Variants in ADCYAP1R1 observed in about 807,000 individuals in gnomAD.
ADCYAP1R1 encodes the protein pituitary adenylate cyclase-activating polypeptide type I receptor.
Under a neutral mutation model 67.6 loss-of-function variants are expected in ADCYAP1R1, and 44 were observed. That is an observed-to-expected ratio of 0.65 (90% confidence interval 0.51 to 0.84). The LOEUF is 0.84. Ranked by LOEUF, ADCYAP1R1 falls within the 40% of genes least tolerant of loss-of-function variation. The pLI is 0.00. For synonymous variants in ADCYAP1R1, 222 were observed against 219.6 expected, an observed-to-expected ratio of 1.01 and a Z score of -0.10; for missense variants, 477 against 587.9, an observed-to-expected ratio of 0.81 and a Z score of 1.95.
intron 13 of ADCYAP1R1, among the ~76,000 whole-genome samples, chr7:31,098,284 A>G (rs540825693): frequency 6.6e-6 from 1 of 152,340 alleles, no homozygotes; most frequent in East Asian, 1.9e-4. Flanking sequence ...CAGTTAAGCT[A>G]TTTTAATTAT....
intron 13 of ADCYAP1R1, chr7:31,099,983 G>A (rs929918195): frequency 1.3e-6 from 1 of 740,846 alleles, no homozygotes; most frequent in Non-Finnish European, 2.3e-6. Context: ...CCCATGTCTT[G>A]GCCCTTGGCT....
At chr7:31,059,666 G>A (rs1462886739) in intron 1 of ADCYAP1R1, among the ~76,000 whole-genome samples, 3 of 152,142 alleles carry the variant, frequency 2.0e-5, no homozygotes, top group Non-Finnish European at 4.4e-5. Flanking sequence ...GTGAGGGGAG[G>A]CATCTTAGAG....
At chr7:31,082,735 C>T (rs1488630554) in intron 6 of ADCYAP1R1, among the ~76,000 whole-genome samples, 5 of 152,222 alleles carry the variant, frequency 3.3e-5, no homozygotes, top group Non-Finnish European at 7.3e-5. Context: ...AAGTGAGCTC[C>T]TTTGCTCTCT....
chr7:31,087,224 G>C (rs905238249), intron 11 of ADCYAP1R1, among the ~76,000 whole-genome samples: 2 of 152,216 alleles, frequency 1.3e-5, no homozygotes, highest in Admixed American at 1.3e-4. Context: ...TGTGCTAGGT[G>C]TCTGAGCCCT....
At chr7:31,085,076 T>C (rs1181474795) in intron 8 of ADCYAP1R1, among the ~76,000 whole-genome samples, 1 of 152,116 alleles carries the variant, frequency 6.6e-6, no homozygotes, top group East Asian at 1.9e-4. Context: ...GTCTTCCTGG[T>C]CTAGAAAGAC....
Position 31,078,012 on chromosome 7 carries a change from A to G in ADCYAP1R1, c.179A>G (p.Asn60Ser), listed in dbSNP as rs1795348001. 1.2e-6 allele frequency: 2 copies of G among 1,611,980 alleles called. No homozygotes were observed. The highest frequency in any genetic ancestry group is 2.2e-5 in the East Asian group (1 of 44,884). ...ACAGGCTGTCCTGGGATGTGGGACA[A>G]CATCACGTGTTGGAAGCCCGCCCAT... ...SSPGCPGMWD[N>S]ITCWKPAHVG... Residue 60 changes from asparagine (N) to serine (S), a missense_variant, in exon 4 of 16, where the codon AAC becomes AGC. Asn to Ser is a conservative substitution (Grantham distance 46, BLOSUM62 1). Transcript: ENST00000304166.
At chr7:31,069,655 C>T (rs1016614609) in intron 3 of ADCYAP1R1, among the ~76,000 whole-genome samples, 1 of 152,056 alleles carries the variant, frequency 6.6e-6, no homozygotes, top group Non-Finnish European at 1.5e-5. Context: ...TCCTTCAAGC[C>T]CCTGCTCCTC....
rs148027443 is a variant in ADCYAP1R1 at position 31,085,946 on chromosome 7, G to A, written c.670-438G>A. Among the ~76,000 whole-genome samples the A allele has an allele frequency of 3.1e-3, 465 of 152,314 alleles. 1 individual carries two copies. Among genetic ancestry groups the A allele is most frequent in the Middle Eastern group, 6.8e-3 (2 of 294 alleles). ...GTGTAAAGTCCAGGGCCTTGACCAG[G>A]AGGACATGCTTGGGGAGCCTCTATG... On this transcript the variant is annotated intron_variant, in intron 9 of 15. Coordinates refer to ENST00000304166, the MANE Select transcript of ADCYAP1R1 (RefSeq NM_001118.5).
intron 13 of ADCYAP1R1, among the ~76,000 whole-genome samples, chr7:31,097,834 C>A (rs1353407280): frequency 1.3e-5 from 2 of 152,010 alleles, no homozygotes; most frequent in Non-Finnish European, 1.5e-5. Context: ...TCTCCTGGAC[C>A]CTGATTTCTG....
rs1295254571 is a variant in ADCYAP1R1 at position 31,085,518 on chromosome 7, C to T, written c.669+76C>T. On this transcript the variant is annotated intron_variant, in intron 9 of 15. Transcript: ENST00000304166. Reference sequence around the variant, plus strand: ...CATCCCCTTGGTTCCCCAGGACGCACATTACCTGCCTGACACCCTGCAGAT... The same window carrying T: ...CATCCCCTTGGTTCCCCAGGACGCATATTACCTGCCTGACACCCTGCAGAT... 4 of 1,499,088 alleles carry T rather than the reference C, an allele frequency of 2.7e-6. No individual in the cohort carries two copies. The East Asian group carries it at 6.9e-5, about 26-fold the overall frequency. 92.9% of individuals were successfully genotyped at this position (1,499,088 alleles called of 1,614,324 possible).
rs369154528 is a variant in ADCYAP1R1 at position 31,086,166 on chromosome 7, C to T, written c.670-218C>T. 1.7e-4 allele frequency among the ~76,000 whole-genome samples: 26 copies of T among 152,206 alleles called. No individual in the cohort carries two copies. Among genetic ancestry groups the T allele is most frequent in the African/African-American group, 4.1e-4 (17 of 41,444 alleles). On this transcript the variant is annotated intron_variant, in intron 9 of 15. Coordinates refer to ENST00000304166, the MANE Select transcript of ADCYAP1R1 (RefSeq NM_001118.5). This position sits in a 1 kb window ranked among gnomAD's most constrained non-coding sequence, Gnocchi z 5.0. ...GTGGGGAGGCTCTGTGTCTGCCACC[C>T]GTCTTTGTCCTGTGTGTGCAGTTTT... is the stretch of plus-strand genomic sequence containing the variant.
chr7:31,103,427 G>C, intron 14 of ADCYAP1R1, 61 bp downstream of exon 14: 2 of 1,609,402 alleles, frequency 1.2e-6, no homozygotes, highest in Non-Finnish European at 1.7e-6. Flanking sequence ...TTGCTCACCT[G>C]CAAGTGGTGC....
At chr7:31,061,090 C>T (rs3779247) in intron 1 of ADCYAP1R1, among the ~76,000 whole-genome samples, 1 of 152,064 alleles carries the variant, frequency 6.6e-6, no homozygotes, top group Admixed American at 6.5e-5. Context: ...CAGTCCTAAC[C>T]GGGGTAGTGC....
In ADCYAP1R1 at chr7:31,109,544, A is replaced by G. The variant is rs1796775624; in HGVS notation, c.*2860A>G. ...GCTTGAGAAAAGTGGGGCTGGGGAGAAGCAGGCTTGTCAGACTCCACCCCT... is the reference window on the plus strand; with the variant it reads ...GCTTGAGAAAAGTGGGGCTGGGGAGGAGCAGGCTTGTCAGACTCCACCCCT... On this transcript the variant is annotated 3_prime_UTR_variant, in exon 16 of 16. Coordinates refer to ENST00000304166, the MANE Select transcript of ADCYAP1R1 (RefSeq NM_001118.5). 6.6e-6 allele frequency: 1 copy of G among 152,148 alleles called. No individual in the cohort carries two copies. The highest frequency in any genetic ancestry group is 1.5e-5 in the Non-Finnish European group (1 of 68,064). The allele number at this position is 152,148 out of a possible 1,614,324, so 9.4% of individuals were successfully genotyped here.
chr7:31,105,233 G>T (rs566172844), intron 15 of ADCYAP1R1, among the ~76,000 whole-genome samples: 1 of 152,248 alleles, frequency 6.6e-6, no homozygotes, highest in Non-Finnish European at 1.5e-5. Context: ...AAGACACTCC[G>T]TGGTGAGGAG....
chr7:31,102,639 T>C lies in ADCYAP1R1; in HGVS notation c.1047-598T>C, dbSNP rs181195043. 5.3e-4 allele frequency among the ~76,000 whole-genome samples: 81 copies of C among 152,302 alleles called. No homozygotes were observed. The highest frequency in any genetic ancestry group is 1.7e-3 in the African/African-American group (71 of 41,570). On this transcript the variant is annotated intron_variant, in intron 13 of 15. Transcript: ENST00000304166. The surrounding 1 kb of genome is among the most constrained non-coding windows in gnomAD (Gnocchi z 4.3). ...CCAGCAGGAGGTTCCTCCTGCCCAGTTGGAGATTGCCGATGCCCAGGGTCC... is the reference window on the plus strand; with the variant it reads ...CCAGCAGGAGGTTCCTCCTGCCCAGCTGGAGATTGCCGATGCCCAGGGTCC...
Position 31,086,631 on chromosome 7 carries a change from A to C in ADCYAP1R1, c.823+94A>C. On this transcript the variant is annotated intron_variant, in intron 10 of 15. Coordinates refer to ENST00000304166, the MANE Select transcript of ADCYAP1R1 (RefSeq NM_001118.5). This position sits in a 1 kb window ranked among gnomAD's most constrained non-coding sequence, Gnocchi z 5.0. ...TTCCATCTTCAGGAAGTGTCAGGTG[A>C]GGAGGGGCCACTGCCCTGCCCGAGT... 1 of 1,470,808 alleles carries C rather than the reference A, an allele frequency of 6.8e-7. No homozygotes were observed. Among genetic ancestry groups the C allele is most frequent in the Non-Finnish European group, 9.3e-7 (1 of 1,070,618 alleles). The allele number at this position is 1,470,808 out of a possible 1,614,324, so 91.1% of individuals were successfully genotyped here.
chr7:31,099,240 C>T (rs1349336230), intron 13 of ADCYAP1R1, among the ~76,000 whole-genome samples: 1 of 152,190 alleles, frequency 6.6e-6, no homozygotes, highest in Non-Finnish European at 1.5e-5. Context: ...CAAAGGTGCT[C>T]CTCTCAGTCT....
chr7:31,082,498 CA>C (rs1400046873), intron 6 of ADCYAP1R1, among the ~76,000 whole-genome samples: 1 of 152,124 alleles, frequency 6.6e-6, no homozygotes. Context: ...ACACTGTTTT[CA>C]AAAAAATTGT....
Sources: gnomAD v4.1 joint callset for allele counts (sites outside exome capture counted in the v4.1 genomes callset) on GRCh38, gnomAD v4.1.1 for gene constraint, Gnocchi (gnomAD v3.1) non-coding constraint, MANE v1.5 for transcripts, NCBI Gene and HGNC (gene_info 2026-07-23, HGNC 2026-07-21) for gene names.